Variants in FER1L6 observed in about 807,000 individuals in gnomAD.
FER1L6 encodes fer-1-like protein 6.
In FER1L6, 177 loss-of-function variants were observed where a neutral mutation model predicts 219.2. The ratio of observed to expected loss-of-function variants is 0.81; its 90% CI spans 0.71 to 0.91. The LOEUF is 0.91. Ranked by LOEUF, FER1L6 falls within the 40% of genes least tolerant of loss-of-function variation. The pLI is 0.00. For synonymous variants in FER1L6, 768 were observed against 824.3 expected (o/e 0.93, Z 1.17); for missense variants, 2,153 against 2,259.9 (o/e 0.95, Z 0.96).
At chr8:123,976,365 G>A (rs182672450) in intron 9 of FER1L6, among the ~76,000 whole-genome samples, 94 of 152,136 alleles carry the variant, frequency 6.2e-4, no homozygotes, top group Admixed American at 7.9e-4. Flanking sequence ...TTAGCTGGGC[G>A]TGGGCGTGGT....
chr8:123,982,434 T>A (rs1273109756), intron 11 of FER1L6, among the ~76,000 whole-genome samples: 1 of 152,322 alleles, frequency 6.6e-6, no homozygotes, highest in Non-Finnish European at 1.5e-5. Context: ...AAAGTACATT[T>A]GTCTACAGGC....
At chr8:124,060,033 G>A in intron 22 of FER1L6, 147 bp from the exon 23 acceptor site, 1 of 626,512 alleles carries the variant, frequency 1.6e-6, no homozygotes, top group East Asian at 2.7e-5. Context: ...ATTAAATATG[G>A]TAAAATGCAT....
chr8:123,943,333 A>G (rs117401358), intron 1 of FER1L6, among the ~76,000 whole-genome samples: 405 of 152,202 alleles, frequency 2.7e-3, no homozygotes, highest in Non-Finnish European at 4.3e-3. Flanking sequence ...ATCGACCTCT[A>G]ATTACCTGCA....
rs770685475 is a variant in FER1L6, at chr8:124,097,796, G to C, written c.4796G>C (p.Arg1599Thr). Residue 1599 changes from arginine to threonine, a missense_variant, in exon 37 of 41, where the codon AGA becomes ACA. Transcript: ENST00000522917. ...SPRRPKGYEL[R>T]VTIWNTEDVI... ...TTCTCCCATCCCAGATACGAATTGA[G>C]AGTGACCATCTGGAACACTGAAGAT... 6.3e-7 allele frequency: 1 copy of C among 1,587,286 alleles called. No individual in the cohort carries two copies. The highest frequency in any genetic ancestry group is 8.7e-7 in the Non-Finnish European group (1 of 1,155,448).
At chr8:123,924,799 C>A (rs1249302514) in intron 1 of FER1L6, 2 of 152,198 alleles carry the variant, frequency 1.3e-5, no homozygotes, top group East Asian at 3.9e-4. Flanking sequence ...ACAAGAAAGG[C>A]TGCTAGATGG....
intron 1 of FER1L6, among the ~76,000 whole-genome samples, chr8:123,896,577 C>A (rs1812745416): frequency 6.6e-6 from 1 of 152,104 alleles, no homozygotes; most frequent in Non-Finnish European, 1.5e-5. Flanking sequence ...GTTCGCGAGT[C>A]TCTCATTTTA....
chr8:123,997,220 T>A (rs1041863665), intron 12 of FER1L6, among the ~76,000 whole-genome samples: 23 of 152,212 alleles, frequency 1.5e-4, no homozygotes, highest in African/African-American at 4.8e-4. Context: ...TCTCAGCATT[T>A]ATTTGTCTGT....
At chr8:124,091,105 T>C (rs148189091) in intron 33 of FER1L6, among the ~76,000 whole-genome samples, 20 of 152,286 alleles carry the variant, frequency 1.3e-4, no homozygotes, top group African/African-American at 2.4e-4. Context: ...TTATACCTCA[T>C]TGTGAATATC....
rs1230567640 is a variant in FER1L6, at chr8:124,094,921, C to T, written c.4578C>T (p.His1526=). 6.8e-6 allele frequency: 11 copies of T among 1,614,156 alleles called. No homozygotes were observed. Among genetic ancestry groups the T allele is most frequent in the Non-Finnish European group, 9.3e-6 (11 of 1,179,992 alleles). ...DTDETVESYE[H]LALKVLHSWE... ...ATGAGACAGTGGAGTCTTATGAACACCTGGCCCTCAAGGTTTTACACTCTT... is the reference window on the plus strand; with the variant it reads ...ATGAGACAGTGGAGTCTTATGAACATCTGGCCCTCAAGGTTTTACACTCTT... Residue 1526 remains histidine, a synonymous_variant, in exon 35 of 41, where the codon CAC becomes CAT. Coordinates refer to ENST00000522917, the MANE Select transcript of FER1L6 (RefSeq NM_001039112.2).
intron 1 of FER1L6, among the ~76,000 whole-genome samples, chr8:123,926,528 C>T (rs1039568763): frequency 8.5e-5 from 13 of 152,140 alleles, no homozygotes; most frequent in African/African-American, 2.4e-4. Context: ...GTGGGGGAGG[C>T]AAACCTTGTC....
intron 37 of FER1L6, 99 bp downstream of exon 37, chr8:124,097,982 G>T (rs1822384138): frequency 1.6e-6 from 1 of 612,008 alleles, no homozygotes; most frequent in Non-Finnish European, 2.9e-6. Context: ...TAAACCCACA[G>T]CCCACAAAGT....
chr8:124,010,745 GA>G, intron 14 of FER1L6, 31 bp downstream of exon 14: 1 of 1,608,144 alleles, frequency 6.2e-7, no homozygotes, highest in East Asian at 2.2e-5. Context: ...ATGGATTAGA[GA>G]ATTGGGAAGC....
intron 1 of FER1L6, among the ~76,000 whole-genome samples, chr8:123,900,122 C>T (rs1812830663): frequency 6.6e-6 from 1 of 152,100 alleles, no homozygotes; most frequent in Admixed American, 6.6e-5. Context: ...TCTACCCATC[C>T]ATGAGCATGA....
intron 34 of FER1L6, among the ~76,000 whole-genome samples, chr8:124,094,289 TGATCTGTA>T (rs1415460010): frequency 6.6e-6 from 1 of 152,168 alleles, no homozygotes; most frequent in Non-Finnish European, 1.5e-5. Context: ...GCCATGTTTA[TGATCTGTA>T]GATCTTTAGG....
chr8:123,994,447 G>A (rs190657296), intron 12 of FER1L6, among the ~76,000 whole-genome samples: 98 of 152,262 alleles, frequency 6.4e-4, no homozygotes, highest in African/African-American at 2.3e-3. Context: ...GAGAAGGAGT[G>A]GGGGGTAGCA....
At position 123,946,070 on chromosome 8, in the gene FER1L6, G is replaced by A. The variant is rs11996680; in HGVS notation, c.-7-9922G>A. Among the ~76,000 whole-genome samples the A allele has an allele frequency of 5.0e-3, 768 of 152,262 alleles. 8 individuals are homozygous for A. The highest frequency in any genetic ancestry group is 0.017 in the African/African-American group (702 of 41,536). ...CTGGGCCTAGGTTTAGAGAGGAAGCGTTGTAGGGGTGTTCATGCTTGCTAA... is the reference window on the plus strand; with the variant it reads ...CTGGGCCTAGGTTTAGAGAGGAAGCATTGTAGGGGTGTTCATGCTTGCTAA... On this transcript the variant is annotated intron_variant, in intron 1 of 40. Transcript: ENST00000522917.
chr8:123,942,329 A>G (rs2130000624), intron 1 of FER1L6, among the ~76,000 whole-genome samples: 1 of 152,266 alleles, frequency 6.6e-6, no homozygotes, highest in Non-Finnish European at 1.5e-5. Context: ...TCCCAGCACC[A>G]TACCTAAAAC....
Position 124,045,886 on chromosome 8 carries a change from T to A in FER1L6, c.2709T>A (p.Tyr903Ter). ...ESPPLVVVEL[Y>*]DSDAVGKPEY... The stretch of plus-strand genomic sequence containing the variant: ...CGCCCTTAGTGGTGGTGGAGCTGTA[T>A]GACAGCGACGCTGTGGTGAGTGTCC... Residue 903 changes from tyrosine (Y) to a stop codon, truncating the protein, a stop_gained, in exon 21 of 41, where the codon TAT (tyrosine) becomes TAA (stop). Transcript: ENST00000522917. LOFTEE classifies it high-confidence loss of function. The A allele has an allele frequency of 1.2e-6, 2 of 1,613,934 alleles. No homozygotes were observed. Among genetic ancestry groups the A allele is most frequent in the South Asian group, 1.1e-5 (1 of 91,082 alleles).
intron 20 of FER1L6, among the ~76,000 whole-genome samples, chr8:124,042,678 G>A (rs879321480): frequency 2.0e-5 from 3 of 152,144 alleles, no homozygotes; most frequent in Admixed American, 2.0e-4. Flanking sequence ...TTAATGATGA[G>A]GAAAGCTGAA....
Sources: gnomAD v4.1 joint callset for allele counts (sites outside exome capture counted in the v4.1 genomes callset) on GRCh38, gnomAD v4.1.1 for gene constraint, MANE v1.5 for transcripts, NCBI Gene and HGNC (gene_info 2026-07-23, HGNC 2026-07-21) for gene names.